The following NAALADL2 variants were observed in gnomAD, a reference collection of about 807,000 sequenced individuals.
NAALADL2 encodes the protein N-acetylated alpha-linked acidic dipeptidase like 2.
A neutral mutation model predicts 87.2 loss-of-function variants in NAALADL2; 76 were observed. The observed-to-expected ratio is 0.87, with a 90% CI of 0.72 to 1.05. The LOEUF (loss-of-function observed/expected upper bound fraction) is 1.05. Ranked by LOEUF, NAALADL2 falls within the 50% of genes least tolerant of loss-of-function variation. NAALADL2 has a pLI of 0.00. For missense variants in NAALADL2, 1,089 were observed against 945.8 expected, an observed-to-expected ratio of 1.15 and a Z score of -1.99; for synonymous variants, 354 against 331.0, an observed-to-expected ratio of 1.07 and a Z score of -0.75.
intron 5 of NAALADL2, among the ~76,000 whole-genome samples, chr3:175,393,706 C>G (rs1769377039): frequency 6.6e-6 from 1 of 152,100 alleles, no homozygotes; most frequent in Admixed American, 6.6e-5. Context: ...ATCCTAAATA[C>G]TTCAGAGTGT....
chr3:175,412,006 C>T lies in NAALADL2; in HGVS notation c.1091-35223C>T, dbSNP rs568526609. 1.5e-4 allele frequency among the ~76,000 whole-genome samples: 23 copies of T among 152,232 alleles called. No individual in the cohort carries two copies. In the East Asian group the frequency reaches 3.1e-3, roughly 21 times the overall value. ...CTAGATAAATTCTGTAAACCCTGAT[C>T]GAAGATAGCAGGCTGCTTCTAAATG... On this transcript the variant is annotated intron_variant, in intron 5 of 13. Coordinates refer to ENST00000454872, the MANE Select transcript of NAALADL2 (RefSeq NM_207015.3).
chr3:174,681,425 GAAAGAC>G (rs775560931), intron 2 of NAALADL2, among the ~76,000 whole-genome samples: 8 of 152,068 alleles, frequency 5.3e-5, no homozygotes, highest in Non-Finnish European at 8.8e-5. Flanking sequence ...ACAGCTCTGA[GAAAGAC>G]ACCTTCCCTC....
chr3:175,132,144 C>T (rs1180613560), intron 2 of NAALADL2, among the ~76,000 whole-genome samples: 14 of 126,944 alleles, frequency 1.1e-4, no homozygotes, highest in African/African-American at 1.6e-4. Flanking sequence ...GGCTGACCCC[C>T]CCACCTCCCT....
chr3:175,653,344 A>G (rs1731042938), intron 11 of NAALADL2, among the ~76,000 whole-genome samples: 2 of 152,202 alleles, frequency 1.3e-5, no homozygotes. Flanking sequence ...GGTCTATGTC[A>G]TAAAAGGAAT....
intron 1 of NAALADL2, among the ~76,000 whole-genome samples, chr3:174,959,717 C>T (rs1741702013): frequency 6.6e-6 from 1 of 152,024 alleles, no homozygotes; most frequent in South Asian, 2.1e-4. Flanking sequence ...AATGAAGAGT[C>T]TAAATTTCGG....
At chr3:174,580,828 C>A (rs540908651) in intron 2 of NAALADL2, among the ~76,000 whole-genome samples, 4 of 152,092 alleles carry the variant, frequency 2.6e-5, no homozygotes, top group Non-Finnish European at 4.4e-5. Context: ...CATACACTTC[C>A]ATTTCTCTCA....
chr3:174,615,723 GCT>G (rs1720397460), intron 2 of NAALADL2, among the ~76,000 whole-genome samples: 2 of 151,390 alleles, frequency 1.3e-5, no homozygotes, highest in African/African-American at 2.4e-5. Context: ...TCTTTCTCTT[GCT>G]CTCTCTCTCC....
At chr3:175,265,753 C>A (rs1751821490) in intron 4 of NAALADL2, among the ~76,000 whole-genome samples, 1 of 151,408 alleles carries the variant, frequency 6.6e-6, no homozygotes, top group Non-Finnish European at 1.5e-5. Flanking sequence ...CAATCAATGT[C>A]TTATTTTTAT....
intron 2 of NAALADL2, among the ~76,000 whole-genome samples, chr3:175,166,511 G>T (rs1052338421): frequency 6.6e-6 from 1 of 151,968 alleles, no homozygotes; most frequent in Non-Finnish European, 1.5e-5. Flanking sequence ...TAGAACTCTT[G>T]ACAACTATTT....
At chr3:175,516,091 A>AG (rs1582212361) in intron 9 of NAALADL2, among the ~76,000 whole-genome samples, 1 of 152,358 alleles carries the variant, frequency 6.6e-6, no homozygotes, top group East Asian at 1.9e-4. Context: ...AGCATGTGAT[A>AG]CATTTGCCCC....
chr3:174,959,834 CACTT>C (rs1437439206), intron 1 of NAALADL2, among the ~76,000 whole-genome samples: 1 of 152,044 alleles, frequency 6.6e-6, no homozygotes, highest in African/African-American at 2.4e-5. Context: ...GCAAGGCAAT[CACTT>C]AGATTTGTTA....
intron 1 of NAALADL2, among the ~76,000 whole-genome samples, chr3:175,024,220 C>A (rs558913248): frequency 6.6e-6 from 1 of 152,070 alleles, no homozygotes; most frequent in South Asian, 2.1e-4. Flanking sequence ...AAACTAATAT[C>A]ATTAAAGTGG....
intron 6 of NAALADL2, among the ~76,000 whole-genome samples, chr3:175,456,769 TA>T (rs1722382263): frequency 6.6e-6 from 1 of 152,006 alleles, no homozygotes; most frequent in Non-Finnish European, 1.5e-5. Context: ...CAGACTCAAT[TA>T]AACATTTTCC....
At chr3:175,741,961 C>T (rs1745287360) in intron 12 of NAALADL2, among the ~76,000 whole-genome samples, 1 of 152,146 alleles carries the variant, frequency 6.6e-6, no homozygotes, top group Non-Finnish European at 1.5e-5. Context: ...GGCGGGACCA[C>T]TCAAAGGAGG....
chr3:175,075,978 A>G (rs1463779373), intron 1 of NAALADL2, among the ~76,000 whole-genome samples: 1 of 152,150 alleles, frequency 6.6e-6, no homozygotes, highest in African/African-American at 2.4e-5. Flanking sequence ...ACGTAATCCC[A>G]GTACTTTAGG....
At chr3:175,110,343 C>T (rs536922253) in intron 2 of NAALADL2, among the ~76,000 whole-genome samples, 7 of 151,738 alleles carry the variant, frequency 4.6e-5, no homozygotes, top group South Asian at 2.1e-4. Context: ...TTAAAAAATA[C>T]AGGCCATATT....
intron 1 of NAALADL2, among the ~76,000 whole-genome samples, chr3:174,450,857 G>A: frequency 9.4e-6 from 1 of 105,998 alleles, no homozygotes; most frequent in Non-Finnish European, 1.7e-5. Context: ...GCAACAGAAT[G>A]AGACTCTGTC....
intron 2 of NAALADL2, among the ~76,000 whole-genome samples, chr3:175,147,321 A>G (rs998286708): frequency 1.3e-5 from 2 of 152,108 alleles, no homozygotes; most frequent in Non-Finnish European, 2.9e-5. Context: ...GCTCTCACTT[A>G]TAAGTGAGAA....
intron 9 of NAALADL2, among the ~76,000 whole-genome samples, chr3:175,550,018 G>A (rs1310075036): frequency 6.6e-6 from 1 of 152,044 alleles, no homozygotes; most frequent in Non-Finnish European, 1.5e-5. Context: ...AGTGAACCCT[G>A]TGGTTATGTG....
Sources: allele counts gnomAD v4.1 joint callset (sites outside exome capture counted in the v4.1 genomes callset), GRCh38; gene constraint gnomAD v4.1.1; transcripts MANE v1.5; gene names NCBI Gene and HGNC (gene_info 2026-07-23, HGNC 2026-07-21).